IQSEC1: variants seen among roughly 807,000 people sequenced by gnomAD.
IQSEC1 encodes IQ motif and SEC7 domain-containing protein 1.
A neutral mutation model predicts 91.0 loss-of-function variants in IQSEC1; 31 were observed. The ratio of observed to expected loss-of-function variants is 0.34; its 90% CI spans 0.26 to 0.46. The LOEUF (loss-of-function observed/expected upper bound fraction) is 0.46. Among genes scored for constraint, IQSEC1 ranks in the 20% least tolerant of loss-of-function variants. IQSEC1 has a pLI of 1.00. For synonymous variants in IQSEC1, 699 were observed against 662.6 expected, an observed-to-expected ratio of 1.05 and a Z score of -0.84; for missense variants, 1,388 against 1,575.6, an observed-to-expected ratio of 0.88 and a Z score of 2.02.
chr3:13,172,080 T>C (rs1035967119), intron 1 of IQSEC1, among the ~76,000 whole-genome samples: 5 of 152,172 alleles, frequency 3.3e-5, no homozygotes, highest in Non-Finnish European at 5.9e-5. Context: ...CACGAGCCCA[T>C]AGCCAGAATG....
rs766845024 is a variant in IQSEC1, at chr3:12,922,239, G to A, written c.1734C>T (p.Cys578=). The change falls in exon 5 of 14, where the codon TGC becomes TGT. Residue 578 remains cysteine, a synonymous_variant. Coordinates refer to ENST00000613206, the MANE Select transcript of IQSEC1 (RefSeq NM_001134382.3). This position sits in a 1 kb window ranked among gnomAD's most constrained non-coding sequence, Gnocchi z 5.1. Reference sequence around the variant, plus strand: ...TAGAGAAGTCCATCTCGTCCACGACGCAGCTGGAATAGAGACAGACAGCCC... The same window carrying A: ...TAGAGAAGTCCATCTCGTCCACGACACAGCTGGAATAGAGACAGACAGCCC... ...QKQFNRDVLD[C]VVDEMDFSTM... 1.4e-5 allele frequency: 22 copies of A among 1,585,750 alleles called. No individual in the cohort carries two copies. Among genetic ancestry groups the A allele is most frequent in the Admixed American group, 6.8e-5 (4 of 58,510 alleles).
rs1243931002 is a variant in IQSEC1, at chr3:12,922,249, TAG to T, written c.1731-9_1731-8del. The T allele has an allele frequency of 1.3e-6, 2 of 1,578,350 alleles. No homozygotes were observed. The highest frequency in any genetic ancestry group is 2.3e-5 in the East Asian group (1 of 43,138). On this transcript the variant is annotated splice_region_variant and splice_polypyrimidine_tract_variant and intron_variant, in intron 4 of 13. Transcript: ENST00000613206. The surrounding 1 kb of genome is among the most constrained non-coding windows in gnomAD (Gnocchi z 5.1). ...CATCTCGTCCACGACGCAGCTGGAATAGAGACAGACAGCCCCGCATAAGCACC... is the reference window on the plus strand; with the variant it reads ...CATCTCGTCCACGACGCAGCTGGAATAGACAGACAGCCCCGCATAAGCACC...
intron 1 of IQSEC1, among the ~76,000 whole-genome samples, chr3:13,233,370 C>T (rs1021983267): frequency 6.6e-6 from 1 of 152,236 alleles, no homozygotes; most frequent in African/African-American, 2.4e-5. Flanking sequence ...GCAGGCCTCA[C>T]CACTTTGCCT....
At position 13,090,172 on chromosome 3, in the gene IQSEC1, C is replaced by T. The variant is rs892370422; in HGVS notation, c.303-42650G>A. Among the ~76,000 whole-genome samples, 11 of 151,418 alleles carry T rather than the reference C, an allele frequency of 7.3e-5. No homozygotes were observed. In the East Asian group the frequency reaches 2.0e-3, roughly 27 times the overall value. On this transcript the variant is annotated intron_variant, in intron 2 of 15. Coordinates refer to the IQSEC1 transcript ENST00000648114. ...GGCGGAGCTTGCAGTGAGCCAAGAT[C>T]GCGCCACTGCGCTCCAGCCTGGGTG...
intron 1 of IQSEC1, among the ~76,000 whole-genome samples, chr3:12,969,692 TC>T (rs1324889374): frequency 6.6e-6 from 1 of 152,188 alleles, no homozygotes; most frequent in Non-Finnish European, 1.5e-5. Context: ...TTTGACAGCC[TC>T]ACCATCCGGA....
chr3:13,024,067 G>A (rs165574), intron 1 of IQSEC1, among the ~76,000 whole-genome samples: 30,399 of 152,038 alleles, frequency 0.2, 3,276 homozygotes, highest in African/African-American at 0.26. Context: ...TACTGGCCTC[G>A]GTTCCTTGTG....
chr3:12,936,207 G>A lies in IQSEC1; in HGVS notation c.809C>T (p.Ala270Val). The A allele has an allele frequency of 6.2e-7, 1 of 1,612,990 alleles. No individual in the cohort carries two copies. The highest frequency in any genetic ancestry group is 8.5e-7 in the Non-Finnish European group (1 of 1,179,968). ...TTTGCGGTGGTCCATGCCGTGCAGGGCTGTCTGGGGTTCGGTGTCCCGGGC... is the reference window on the plus strand; with the variant it reads ...TTTGCGGTGGTCCATGCCGTGCAGGACTGTCTGGGGTTCGGTGTCCCGGGC... ...ARARDTEPQT[A>V]LHGMDHRKLD... is the part of the protein sequence containing the mutation. Residue 270 changes from alanine to valine, a missense_variant, in exon 3 of 14, where the codon GCC (alanine) becomes GTC (valine). This residue lies in a region of IQSEC1 where 1,059 missense variants were observed against 1,317.8 expected (regional missense o/e 0.80). Coordinates refer to ENST00000613206, the MANE Select transcript of IQSEC1 (RefSeq NM_001134382.3).
chr3:12,905,133 C>T (rs1014617682), intron 12 of IQSEC1, among the ~76,000 whole-genome samples: 1 of 152,270 alleles, frequency 6.6e-6, no homozygotes, highest in Non-Finnish European at 1.5e-5. Context: ...CCCACACCTG[C>T]CCTGGTTCAC....
chr3:13,257,310 A>T (rs2125124809), intron 1 of IQSEC1, among the ~76,000 whole-genome samples: 2 of 152,310 alleles, frequency 1.3e-5, no homozygotes, highest in Middle Eastern at 6.8e-3. Flanking sequence ...AGACAGACAG[A>T]CAGACATTCT....
chr3:13,124,639 G>T (rs1176805080), intron 2 of IQSEC1, among the ~76,000 whole-genome samples: 10 of 152,194 alleles, frequency 6.6e-5, no homozygotes, highest in Non-Finnish European at 1.2e-4. Flanking sequence ...GCTAGGCAAG[G>T]CTGCCACATG....
At chr3:13,224,009 C>A (rs1274778868) in intron 1 of IQSEC1, among the ~76,000 whole-genome samples, 2 of 152,148 alleles carry the variant, frequency 1.3e-5, no homozygotes, top group Non-Finnish European at 2.9e-5. Flanking sequence ...TCCCTCAGCC[C>A]CAGAGCTGCT....
rs370679439 is a variant in IQSEC1, at chr3:13,000,663, G to A, written c.24-58798C>T. 7.2e-5 allele frequency among the ~76,000 whole-genome samples: 11 copies of A among 152,306 alleles called. 1 individual carries two copies. The highest frequency in any genetic ancestry group is 5.2e-4 in the Admixed American group (8 of 15,304). The stretch of plus-strand genomic sequence containing the variant: ...ACAGGTGAGGTATATGCAGCAGAGG[G>A]AAGGCTGAAGCCAGGAGCCAGCCCT... On this transcript the variant is annotated intron_variant, in intron 1 of 13. Coordinates refer to ENST00000613206, the MANE Select transcript of IQSEC1 (RefSeq NM_001134382.3).
chr3:13,046,518 C>G (rs1704501137), intron 1 of IQSEC1, among the ~76,000 whole-genome samples: 1 of 152,210 alleles, frequency 6.6e-6, no homozygotes, highest in Admixed American at 6.5e-5. Context: ...TGGGGCCCAG[C>G]CCTTGGTTGC....
chr3:13,033,855 C>T (rs1559732372), intron 1 of IQSEC1, among the ~76,000 whole-genome samples: 1 of 152,202 alleles, frequency 6.6e-6, no homozygotes, highest in Non-Finnish European at 1.5e-5. Flanking sequence ...TGCAATTGTT[C>T]ATTTCATCCA....
intron 1 of IQSEC1, among the ~76,000 whole-genome samples, chr3:13,227,268 C>T (rs1225233528): frequency 1.4e-5 from 2 of 147,272 alleles, no homozygotes; most frequent in Non-Finnish European, 3.0e-5. Context: ...CCCAGCTACT[C>T]GGGAGGCTGA....
chr3:13,206,339 C>A (rs1694344900), intron 1 of IQSEC1, among the ~76,000 whole-genome samples: 1 of 152,190 alleles, frequency 6.6e-6, no homozygotes, highest in Non-Finnish European at 1.5e-5. Context: ...TGTACAGATA[C>A]TTCACAAAAG....
chr3:13,251,200 T>G (rs769394799), intron 1 of IQSEC1, among the ~76,000 whole-genome samples: 6 of 152,170 alleles, frequency 3.9e-5, no homozygotes, highest in Non-Finnish European at 8.8e-5. Context: ...CTTGCCCACT[T>G]CCTTTAGGCC....
intron 2 of IQSEC1, among the ~76,000 whole-genome samples, chr3:13,090,092 C>T (rs367631366): frequency 5.9e-5 from 9 of 152,072 alleles, no homozygotes; most frequent in East Asian, 1.9e-4. Context: ...GTGGCGTGCA[C>T]CTGTAGTCCC....
At chr3:13,050,420 C>G (rs1488141482) in intron 1 of IQSEC1, among the ~76,000 whole-genome samples, 1 of 152,188 alleles carries the variant, frequency 6.6e-6, no homozygotes, top group African/African-American at 2.4e-5. Flanking sequence ...ATAGCAATAA[C>G]AGCGCCCACC....
Sources: allele counts gnomAD v4.1 joint callset (sites outside exome capture counted in the v4.1 genomes callset), GRCh38; gene constraint gnomAD v4.1.1; regional missense constraint gnomAD v4.1.1; non-coding constraint Gnocchi (gnomAD v3.1); transcripts MANE v1.5; gene names NCBI Gene and HGNC (gene_info 2026-07-23, HGNC 2026-07-21).